Variants in TAF4B observed in about 807,000 individuals in gnomAD.
The protein encoded by TAF4B is transcription initiation factor TFIID subunit 4B.
A neutral mutation model predicts 86.4 loss-of-function variants in TAF4B; 38 were observed. The ratio of observed to expected loss-of-function variants is 0.44; its 90% CI spans 0.34 to 0.58. The LOEUF is 0.58. Ranked by LOEUF, TAF4B falls within the 20% of genes least tolerant of loss-of-function variation. The pLI, the probability that TAF4B is intolerant of heterozygous loss-of-function variation, is 0.02. For missense variants in TAF4B, 988 were observed against 1,027.6 expected, an observed-to-expected ratio of 0.96 and a Z score of 0.53; for synonymous variants, 388 against 391.2, an observed-to-expected ratio of 0.99 and a Z score of 0.10.
chr18:26,271,201 T>G (rs1216159808), intron 3 of TAF4B, among the ~76,000 whole-genome samples: 2 of 152,222 alleles, frequency 1.3e-5, no homozygotes, highest in East Asian at 1.9e-4. Context: ...ATGTGTGTGT[T>G]AAGAAATTTT....
intron 10 of TAF4B, among the ~76,000 whole-genome samples, chr18:26,320,776 A>T (rs2056955217): frequency 1.3e-5 from 2 of 152,218 alleles, no homozygotes; most frequent in African/African-American, 4.8e-5. Flanking sequence ...TTCCTCCCTG[A>T]ACAATAGACT....
chr18:26,267,705 A>G (rs1735658877), intron 3 of TAF4B, 82 bp downstream of exon 3: 1 of 951,128 alleles, frequency 1.1e-6, no homozygotes, highest in Non-Finnish European at 1.7e-6. Context: ...TTAGATATGT[A>G]AGTTACTGTG....
chr18:26,292,134 A>AT (rs2056600844), intron 7 of TAF4B, 112 bp from the exon 8 acceptor site: 2 of 1,214,190 alleles, frequency 1.6e-6, no homozygotes, highest in African/African-American at 3.1e-5. Flanking sequence ...TCTTGTTAAG[A>AT]TAAAGGTATA....
At chr18:26,305,325 C>T (rs1626810) in intron 9 of TAF4B, among the ~76,000 whole-genome samples, 53,728 of 152,130 alleles carry the variant, frequency 0.35, 11,565 homozygotes, top group East Asian at 0.81. Context: ...CTTTAACTTT[C>T]TTATTTGCAA....
intron 2 of TAF4B, chr18:26,266,983 A>G (rs1050587796): frequency 1.3e-5 from 2 of 152,230 alleles, no homozygotes; most frequent in Non-Finnish European, 2.9e-5. Flanking sequence ...CATTGTAATG[A>G]CAGATTGCAT....
chr18:26,292,413 C>T, intron 8 of TAF4B, 32 bp downstream of exon 8: 1 of 1,591,808 alleles, frequency 6.3e-7, no homozygotes, highest in South Asian at 1.2e-5. Context: ...TCCCATCATG[C>T]TGGGTTAGAA....
rs1325588013 is a variant in TAF4B at position 26,274,957 on chromosome 18, C to T, written c.786C>T (p.Cys262=). ...CAATGCTAGAAAATGTGAAGAAATGCAAGAACTTCCTTGCAATGTTAATAA... is the reference window on the plus strand; with the variant it reads ...CAATGCTAGAAAATGTGAAGAAATGTAAGAACTTCCTTGCAATGTTAATAA... The part of the protein sequence containing the change: ...SPTMLENVKK[C]KNFLAMLIKL... The change falls in exon 5 of 15, where the codon TGC becomes TGT. Residue 262 remains cysteine, a synonymous_variant. Transcript: ENST00000269142. 2.5e-6 allele frequency: 4 copies of T among 1,613,346 alleles called. No individual in the cohort carries two copies. The South Asian group carries it at 4.4e-5, about 18-fold the overall frequency.
At chr18:26,274,909 A>G (rs183173993) in intron 4 of TAF4B, 22 bp from the exon 5 acceptor site, 3 of 1,612,248 alleles carry the variant, frequency 1.9e-6, no homozygotes, top group South Asian at 1.1e-5. Context: ...GTGTTTGCTT[A>G]TATTTACATT....
chr18:26,260,810 A>T (rs1362295488), intron 1 of TAF4B, among the ~76,000 whole-genome samples: 1 of 152,218 alleles, frequency 6.6e-6, no homozygotes. Context: ...CTCTAGTGAT[A>T]TTCTAGATGT....
intron 1 of TAF4B, among the ~76,000 whole-genome samples, chr18:26,257,573 C>T (rs1291485629): frequency 6.6e-6 from 1 of 152,050 alleles, no homozygotes; most frequent in Non-Finnish European, 1.5e-5. Flanking sequence ...TTGGACTTAG[C>T]CTGCCATTTA....
intron 11 of TAF4B, among the ~76,000 whole-genome samples, chr18:26,322,938 G>A (rs773039215): frequency 2.0e-5 from 3 of 151,582 alleles, no homozygotes; most frequent in African/African-American, 4.8e-5. Flanking sequence ...TTGTGTTGTC[G>A]TTTTCATTTA....
At chr18:26,282,107 CTA>C (rs773785800) in intron 6 of TAF4B, 47 bp downstream of exon 6, 1 of 1,411,584 alleles carries the variant, frequency 7.1e-7, no homozygotes, top group Non-Finnish European at 9.9e-7. Flanking sequence ...TTAGATTACT[CTA>C]AAATAATTAA....
At position 26,357,715 on chromosome 18, in the gene TAF4B, T is replaced by C. The variant is rs1385154892; in HGVS notation, c.2342T>C (p.Ile781Thr). 10 of 1,611,878 alleles carry C rather than the reference T, an allele frequency of 6.2e-6. No homozygotes were observed. The South Asian group carries it at 1.1e-4, about 18-fold the overall frequency. The stretch of plus-strand genomic sequence containing the variant: ...TTACAGCAATTGGAACTTGCACAGA[T>C]ACAGCATAGAGACGCTAATCTCACA... ...KELQQLELAQ[I>T]QHRDANLTAL... Residue 781 changes from isoleucine to threonine, a missense_variant, in exon 14 of 15, where the codon ATA becomes ACA. Physicochemically the swap from Ile to Thr is moderately conservative, Grantham distance 89 (BLOSUM62 -1). This residue lies in a region of TAF4B where 216 missense variants were observed against 238.4 expected (regional missense o/e 0.91). Coordinates refer to ENST00000269142, the MANE Select transcript of TAF4B (RefSeq NM_005640.3).
intron 1 of TAF4B, among the ~76,000 whole-genome samples, chr18:26,231,026 T>G (rs1048418584): frequency 1.6e-4 from 23 of 144,262 alleles, no homozygotes; most frequent in Non-Finnish European, 3.0e-4. Flanking sequence ...TTGTGGTGTG[T>G]TGTTTTGCTT....
chr18:26,239,248 C>T (rs1033725671), intron 1 of TAF4B, among the ~76,000 whole-genome samples: 2 of 152,110 alleles, frequency 1.3e-5, no homozygotes, highest in African/African-American at 2.4e-5. Flanking sequence ...CTCTCCAGCA[C>T]CTGTTGTTTC....
intron 9 of TAF4B, among the ~76,000 whole-genome samples, chr18:26,299,124 G>T (rs1277215789): frequency 6.6e-6 from 1 of 151,606 alleles, no homozygotes; most frequent in Non-Finnish European, 1.5e-5. Flanking sequence ...GCCTCCCAAA[G>T]TGCTGGGATT....
At chr18:26,354,002 T>C (rs2057266329) in intron 13 of TAF4B, among the ~76,000 whole-genome samples, 1 of 152,178 alleles carries the variant, frequency 6.6e-6, no homozygotes, top group Non-Finnish European at 1.5e-5. Flanking sequence ...AATTTTTTTA[T>C]AAGGTGTGAG....
chr18:26,267,433 G>A (rs1371079319), intron 2 of TAF4B, 83 bp from the exon 3 acceptor site: 13 of 871,890 alleles, frequency 1.5e-5, no homozygotes, highest in Admixed American at 5.4e-5. Flanking sequence ...CTGTCATAAA[G>A]TGTTCTAATG....
At position 26,321,121 on chromosome 18, in the gene TAF4B, C is replaced by G. The variant is rs1381788673; in HGVS notation, c.2054C>G (p.Ser685Cys). Reference protein sequence around the residue: ...ELNSDAVNLISQATQERLRGL... With the variant: ...ELNSDAVNLICQATQERLRGL... ...AACTCTGATGCTGTGAACTTGATCT[C>G]CCAAGCAACACAGGAACGACTACGA... The change falls in exon 11 of 15, where the codon TCC (serine) becomes TGC (cysteine). Residue 685 changes from serine to cysteine, a missense_variant. Around this residue, in one of 3 missense-constraint regions of TAF4B, gnomAD observed 216 missense variants for 238.4 expected, o/e 0.91. Coordinates refer to ENST00000269142, the MANE Select transcript of TAF4B (RefSeq NM_005640.3). 1.9e-6 allele frequency: 3 copies of G among 1,613,856 alleles called. 1 individual carries two copies. In the East Asian group the frequency reaches 6.7e-5, roughly 36 times the overall value.
Sources: gnomAD v4.1 joint callset for allele counts (sites outside exome capture counted in the v4.1 genomes callset) on GRCh38, gnomAD v4.1.1 for gene constraint, gnomAD v4.1.1 regional missense constraint, MANE v1.5 for transcripts, NCBI Gene and HGNC (gene_info 2026-07-23, HGNC 2026-07-21) for gene names.